Variants in IGSF10 observed in about 807,000 individuals in gnomAD.
IGSF10 encodes the protein calvaria mechanical force protein 608.
In IGSF10, 126 loss-of-function variants were observed where a neutral mutation model predicts 128.2. The observed-to-expected ratio is 0.98, with a 90% CI of 0.85 to 1.14. The LOEUF is 1.14. IGSF10 is among the 50% of genes most tolerant of loss of function. The pLI, the probability that IGSF10 is intolerant of heterozygous loss-of-function variation, is 0.00. For missense variants in IGSF10, 3,295 were observed against 3,149.8 expected (o/e 1.05, Z -1.10); for synonymous variants, 1,185 against 1,146.2 (o/e 1.03, Z -0.68).
At chr3:151,565,478 A>G in the IGSF10 span, among the ~76,000 whole-genome samples, 1 of 152,128 alleles carries the variant, frequency 6.6e-6, no homozygotes, top group Non-Finnish European at 1.5e-5. Context: ...GCAGAAGGTG[A>G]ACATTGTCAA....
upstream of IGSF10, among the ~76,000 whole-genome samples, chr3:151,463,102 A>G (rs1722124472): frequency 6.6e-6 from 1 of 152,184 alleles, no homozygotes; most frequent in Non-Finnish European, 1.5e-5. Flanking sequence ...TTTTCTTGCT[A>G]TCAATTTCAA....
the IGSF10 span, among the ~76,000 whole-genome samples, chr3:151,539,268 AC>A: frequency 6.6e-6 from 1 of 152,258 alleles, no homozygotes; most frequent in South Asian, 2.1e-4. Flanking sequence ...TTGCTCTGTA[AC>A]CCGAGAGAAG....
the IGSF10 span, among the ~76,000 whole-genome samples, chr3:151,509,345 C>T: frequency 6.6e-6 from 1 of 152,132 alleles, no homozygotes; most frequent in Non-Finnish European, 1.5e-5. Context: ...CTATGATAAC[C>T]CATCAGTTAT....
chr3:151,499,424 A>G, the IGSF10 span, among the ~76,000 whole-genome samples: 1 of 152,082 alleles, frequency 6.6e-6, no homozygotes, highest in Admixed American at 6.6e-5. Context: ...GGATCTAGAG[A>G]ACTGATTTTC....
chr3:151,579,814 C>T, the IGSF10 span, among the ~76,000 whole-genome samples: 8 of 71,086 alleles, frequency 1.1e-4, no homozygotes, highest in Non-Finnish European at 1.6e-4. Context: ...ATAAATATTA[C>T]GAAGGAAAGA....
intron 7 of IGSF10, chr3:151,440,924 T>C (rs1720816437): frequency 5.1e-6 from 1 of 194,410 alleles, no homozygotes; most frequent in Non-Finnish European, 1.1e-5. Context: ...TTTCCTGAAA[T>C]TCTGCTTCAA....
At chr3:151,615,148 C>T in the IGSF10 span, among the ~76,000 whole-genome samples, 5 of 150,478 alleles carry the variant, frequency 3.3e-5, no homozygotes, top group South Asian at 1.1e-3. Flanking sequence ...AGACAATGTT[C>T]TACCCTCTAA....
At chr3:151,516,844 A>G in the IGSF10 span, among the ~76,000 whole-genome samples, 1 of 152,146 alleles carries the variant, frequency 6.6e-6, no homozygotes, top group Non-Finnish European at 1.5e-5. Flanking sequence ...ATCACTAAGC[A>G]ATGAGTACAG....
the IGSF10 span, among the ~76,000 whole-genome samples, chr3:151,528,063 T>A: frequency 6.6e-6 from 1 of 152,206 alleles, no homozygotes; most frequent in Admixed American, 6.5e-5. Context: ...ACCATGAAGA[T>A]AATACTCACA....
At chr3:151,596,693 G>A in the IGSF10 span, among the ~76,000 whole-genome samples, 1 of 152,092 alleles carries the variant, frequency 6.6e-6, no homozygotes, top group African/African-American at 2.4e-5. Context: ...TGAACAATGG[G>A]CCCAATTTAT....
chr3:151,594,858 C>A, the IGSF10 span, among the ~76,000 whole-genome samples: 4 of 151,780 alleles, frequency 2.6e-5, no homozygotes, highest in Admixed American at 1.3e-4. Context: ...ACATTGTACT[C>A]ATTTATCAAA....
In IGSF10 at chr3:151,446,148, T is replaced by A. The variant is rs756135363; in HGVS notation, c.3833A>T (p.His1278Leu). The A allele has an allele frequency of 6.2e-7, 1 of 1,614,116 alleles. No individual in the cohort carries two copies. The highest frequency in any genetic ancestry group is 1.1e-5 in the South Asian group (1 of 91,076). The change falls in exon 6 of 8, where the codon CAC becomes CTC. Residue 1278 changes from histidine (H) to leucine (L), a missense_variant. Coordinates refer to ENST00000282466, the MANE Select transcript of IGSF10 (RefSeq NM_178822.5). Reference protein sequence around the residue: ...TTAHHTTTKTHNPGSLPTKKE... With the variant: ...TTAHHTTTKTLNPGSLPTKKE... ...CTTTGTTGGAAGACTTCCAGGATTG[T>A]GTGTTTTGGTCGTAGTGTGGTGAGC...
the IGSF10 span, among the ~76,000 whole-genome samples, chr3:151,515,254 G>A: frequency 6.6e-6 from 1 of 151,982 alleles, no homozygotes; most frequent in East Asian, 1.9e-4. Flanking sequence ...TTAAGAAAAT[G>A]TGGCACATGT....
At chr3:151,508,272 A>C in the IGSF10 span, among the ~76,000 whole-genome samples, 2 of 152,166 alleles carry the variant, frequency 1.3e-5, no homozygotes, top group African/African-American at 4.8e-5. Flanking sequence ...AAGTTATGGA[A>C]AACATAAAAT....
At chr3:151,464,175 G>A (rs1022347137), upstream of IGSF10, among the ~76,000 whole-genome samples, 12 of 152,030 alleles carry the variant, frequency 7.9e-5, no homozygotes, top group Admixed American at 7.2e-4. Flanking sequence ...CCTGGACTAC[G>A]GTAATTTACC....
the IGSF10 span, among the ~76,000 whole-genome samples, chr3:151,507,590 G>T: frequency 3.3e-5 from 5 of 152,086 alleles, no homozygotes; most frequent in African/African-American, 1.2e-4. Context: ...GGCAGAAGGG[G>T]AAGTAAACAT....
chr3:151,552,645 T>C, the IGSF10 span, among the ~76,000 whole-genome samples: 3 of 152,148 alleles, frequency 2.0e-5, no homozygotes, highest in Non-Finnish European at 4.4e-5. Context: ...TTCCTATAAA[T>C]CTTTAGCATA....
chr3:151,560,058 A>G, the IGSF10 span, among the ~76,000 whole-genome samples: 3 of 152,128 alleles, frequency 2.0e-5, no homozygotes, highest in Non-Finnish European at 4.4e-5. Flanking sequence ...AAACCCCAAC[A>G]TATGACTGCA....
At chr3:151,534,306 A>G in the IGSF10 span, among the ~76,000 whole-genome samples, 2 of 152,194 alleles carry the variant, frequency 1.3e-5, no homozygotes, top group Non-Finnish European at 2.9e-5. Context: ...ATTACTGGGT[A>G]TATACCCAAA....
Sources: allele counts gnomAD v4.1 joint callset (sites outside exome capture counted in the v4.1 genomes callset), GRCh38; gene constraint gnomAD v4.1.1; transcripts MANE v1.5; gene names NCBI Gene and HGNC (gene_info 2026-07-23, HGNC 2026-07-21).